The following GNG4 variants were observed in gnomAD, a reference collection of about 807,000 sequenced individuals.
The protein encoded by GNG4 is guanine nucleotide-binding protein G(I)/G(S)/G(O) subunit gamma-4.
GNG4 carries 4 observed loss-of-function variants against 5.8 expected under a neutral mutation model. The observed-to-expected ratio is 0.69, with a 90% CI of 0.34 to 1.57. The LOEUF (loss-of-function observed/expected upper bound fraction) is 1.57. Among genes scored for constraint, GNG4 ranks in the 40% most tolerant of loss-of-function variants. The pLI is 0.06. For missense variants in GNG4, 96 were observed against 95.1 expected (o/e 1.01, Z -0.04); for synonymous variants, 29 against 32.9 (o/e 0.88, Z 0.41).
chr1:235,607,704 T>C (rs1253554337), intron 1 of GNG4, among the ~76,000 whole-genome samples: 2 of 152,172 alleles, frequency 1.3e-5, no homozygotes, highest in Admixed American at 6.5e-5. Flanking sequence ...CGGCACGGCT[T>C]TTCAGTATTC....
intron 2 of GNG4, among the ~76,000 whole-genome samples, chr1:235,584,540 C>T (rs1571894411): frequency 6.6e-6 from 1 of 151,772 alleles, no homozygotes; most frequent in Non-Finnish European, 1.5e-5. Context: ...AACACACACT[C>T]TCTCTCTCTT....
At chr1:235,567,639 T>C (rs1465672254) in intron 3 of GNG4, among the ~76,000 whole-genome samples, 1 of 152,168 alleles carries the variant, frequency 6.6e-6, no homozygotes, top group Non-Finnish European at 1.5e-5. Flanking sequence ...CATGTCTGAG[T>C]TTCCTTCCTG....
At chr1:235,605,411 G>A (rs1688337621) in intron 1 of GNG4, among the ~76,000 whole-genome samples, 1 of 152,068 alleles carries the variant, frequency 6.6e-6, no homozygotes, top group Admixed American at 6.5e-5. Context: ...TGGACCTCAG[G>A]TGGTCCGCCC....
Position 235,648,978 on chromosome 1 carries a change from C to A in GNG4, c.-123+684G>T, listed in dbSNP as rs12078432. ...TCCCCACTTCACCCTCCCGCCGTTT[C>A]GCGTTATTTCCAAGGCAATTTAAAA... On this transcript the variant is annotated intron_variant, in intron 1 of 3. Transcript: ENST00000391854. This position sits in a 1 kb window ranked among gnomAD's most constrained non-coding sequence, Gnocchi z 5.0. Among the ~76,000 whole-genome samples the A allele has an allele frequency of 9.6e-3, 1,467 of 152,306 alleles. 23 individuals are homozygous for A. The highest frequency in any genetic ancestry group is 0.034 in the African/African-American group (1,393 of 41,572).
rs934763543 is a variant in GNG4, at chr1:235,648,248, T to G, written c.-123+1414A>C. Among the ~76,000 whole-genome samples, 3 of 152,162 alleles carry G rather than the reference T, an allele frequency of 2.0e-5. No homozygotes were observed. Among genetic ancestry groups the G allele is most frequent in the Non-Finnish European group, 4.4e-5 (3 of 68,036 alleles). On this transcript the variant is annotated intron_variant, in intron 1 of 3. Coordinates refer to ENST00000391854, the MANE Select transcript of GNG4 (RefSeq NM_001098722.2). This position sits in a 1 kb window ranked among gnomAD's most constrained non-coding sequence, Gnocchi z 5.0. ...AGTCATTTCAGCCTAACTAACCCCATGGTGAGGCTGCTCATTAACAGGCAA... is the reference window on the plus strand; with the variant it reads ...AGTCATTTCAGCCTAACTAACCCCAGGGTGAGGCTGCTCATTAACAGGCAA...
At chr1:235,607,838 C>T (rs566999725) in intron 1 of GNG4, among the ~76,000 whole-genome samples, 1 of 152,308 alleles carries the variant, frequency 6.6e-6, no homozygotes, top group East Asian at 1.9e-4. Context: ...CCAGCCCCCT[C>T]CCCTCACTTT....
chr1:235,568,627 T>C (rs1687261071), intron 3 of GNG4, among the ~76,000 whole-genome samples: 1 of 152,150 alleles, frequency 6.6e-6, no homozygotes, highest in Non-Finnish European at 1.5e-5. Context: ...GTAGATGCTG[T>C]TTCTCCTTGG....
At chr1:235,579,954 C>A (rs1687587161) in intron 3 of GNG4, among the ~76,000 whole-genome samples, 1 of 151,958 alleles carries the variant, frequency 6.6e-6, no homozygotes. Context: ...CCAACAGATA[C>A]CTGCACACCC....
At position 235,600,129 on chromosome 1, in the gene GNG4, T is replaced by TA. The variant is rs1553369359; in HGVS notation, c.-122-4619dup. On this transcript the variant is annotated intron_variant, in intron 1 of 3. Transcript: ENST00000391854. The stretch of plus-strand genomic sequence containing the variant: ...TTTTTTTTTTTTTTTTTTTTTTTTT[T>TA]AGACAGGCAGAGTCTCACTCTGTCG... Among the ~76,000 whole-genome samples, 29 of 113,110 alleles carry TA rather than the reference T, an allele frequency of 2.6e-4. 1 individual carries two copies. Among genetic ancestry groups the TA allele is most frequent in the African/African-American group, 9.5e-4 (28 of 29,520 alleles). 74.2% of individuals were successfully genotyped at this position (113,110 alleles called of 152,430 possible).
At chr1:235,599,424 CT>C (rs1190542457) in intron 1 of GNG4, among the ~76,000 whole-genome samples, 2 of 151,764 alleles carry the variant, frequency 1.3e-5, no homozygotes, top group East Asian at 3.9e-4. Flanking sequence ...TCAAGCGAGT[CT>C]CCTGCCTCAG....
At chr1:235,605,034 TC>T (rs1391316873) in intron 1 of GNG4, among the ~76,000 whole-genome samples, 2 of 152,130 alleles carry the variant, frequency 1.3e-5, no homozygotes, top group African/African-American at 4.8e-5. Flanking sequence ...AAAATTGAGA[TC>T]CGGCCAGCTA....
intron 1 of GNG4, among the ~76,000 whole-genome samples, chr1:235,645,928 C>T (rs1657499612): frequency 6.6e-6 from 1 of 151,968 alleles, no homozygotes; most frequent in African/African-American, 2.4e-5. Flanking sequence ...CAAGGCCTTA[C>T]AGCTGTACAT....
chr1:235,591,823 C>A (rs563414912), intron 2 of GNG4, among the ~76,000 whole-genome samples: 1 of 152,204 alleles, frequency 6.6e-6, no homozygotes, highest in Non-Finnish European at 1.5e-5. Flanking sequence ...CCCAGGTATA[C>A]AGGAATGTGC....
chr1:235,632,425 G>A (rs1215740621), intron 1 of GNG4, among the ~76,000 whole-genome samples: 2 of 152,160 alleles, frequency 1.3e-5, no homozygotes, highest in Non-Finnish European at 2.9e-5. Context: ...TGAATACCTA[G>A]GCTGCAAAAT....
At position 235,557,382 on chromosome 1, in the gene GNG4, A is replaced by G. The variant is rs58766780; in HGVS notation, c.100-5145T>C. On this transcript the variant is annotated intron_variant, in intron 3 of 3. Coordinates refer to ENST00000391854, the MANE Select transcript of GNG4 (RefSeq NM_001098722.2). ...CCAGAAGAAGGAGAGTCTCCCACCT[A>G]GAGTGTCTTAGGTCATTTCGTTTAA... 8.0e-4 allele frequency among the ~76,000 whole-genome samples: 121 copies of G among 152,190 alleles called. 3 individuals carry two copies. The East Asian group carries it at 0.021, about 26-fold the overall frequency.
At chr1:235,575,243 A>G (rs1308927958) in intron 3 of GNG4, among the ~76,000 whole-genome samples, 1 of 152,224 alleles carries the variant, frequency 6.6e-6, no homozygotes, top group Non-Finnish European at 1.5e-5. Context: ...GGCAGAAAGC[A>G]ATACGCATTC....
intron 3 of GNG4, among the ~76,000 whole-genome samples, chr1:235,581,990 G>C (rs975280622): frequency 2.0e-5 from 3 of 152,190 alleles, no homozygotes; most frequent in Non-Finnish European, 2.9e-5. Context: ...GCCCAAACTG[G>C]GGCCCACTGT....
chr1:235,564,558 C>T (rs1687146173), intron 3 of GNG4, among the ~76,000 whole-genome samples: 2 of 152,158 alleles, frequency 1.3e-5, no homozygotes, highest in Admixed American at 6.5e-5. Flanking sequence ...TCTCTTCTCC[C>T]TCCCCTATTT....
chr1:235,558,502 CTCAGTA>C, intron 3 of GNG4, among the ~76,000 whole-genome samples: 1 of 152,192 alleles, frequency 6.6e-6, no homozygotes. Context: ...CAACAAATAG[CTCAGTA>C]TCCAGGTATT....
Sources: allele counts gnomAD v4.1 joint callset (sites outside exome capture counted in the v4.1 genomes callset), GRCh38; gene constraint gnomAD v4.1.1; non-coding constraint Gnocchi (gnomAD v3.1); transcripts MANE v1.5; gene names NCBI Gene and HGNC (gene_info 2026-07-23, HGNC 2026-07-21).